The following DIAPH2 variants were observed in gnomAD, a reference collection of about 807,000 sequenced individuals.
DIAPH2 encodes the protein diaphanous related formin 2, also known as protein diaphanous homolog 2.
DIAPH2 carries 35 observed loss-of-function variants against 92.7 expected under a neutral mutation model. The observed-to-expected ratio is 0.38, with a 90% CI of 0.29 to 0.50. The LOEUF (loss-of-function observed/expected upper bound fraction) is 0.50, where lower values mean the gene tolerates loss of function less well. Ranked by LOEUF, DIAPH2 falls within the 20% of genes least tolerant of loss-of-function variation. The pLI, the probability that DIAPH2 is intolerant of heterozygous loss-of-function variation, is 0.94. For missense variants in DIAPH2, 701 were observed against 819.5 expected (o/e 0.86, Z 1.77); for synonymous variants, 301 against 280.4 (o/e 1.07, Z -0.73).
chrX:96,779,342 A>T (rs1341843713), intron 4 of DIAPH2, among the ~76,000 whole-genome samples: 1 of 112,228 alleles, frequency 8.9e-6, no homozygotes, highest in Non-Finnish European at 1.9e-5. Flanking sequence ...CAAACAATTA[A>T]CATCTGTTGG....
Position 96,958,038 on chromosome X carries a change from C to G in DIAPH2, c.1825C>G (p.Leu609Val), listed in dbSNP as rs912731125. 5.8e-6 allele frequency: 7 copies of G among 1,209,723 alleles called. No individual in the cohort carries two copies. In the Admixed American group the frequency reaches 1.3e-4, roughly 23 times the overall value. The change falls in exon 16 of 27, where the codon CTT (leucine) becomes GTT (valine). Residue 609 changes from leucine (L) to valine (V), a missense_variant. Leu to Val is a conservative substitution (Grantham distance 32, BLOSUM62 1). Coordinates refer to ENST00000324765, the MANE Select transcript of DIAPH2 (RefSeq NM_006729.5). ...TGGGGGACCTCCTCCACCACCACCC[C>G]TTGGAGGAGTTCCTCCTCCCCCAGG... Reference protein sequence around the residue: ...LFGGPPPPPPLGGVPPPPGIS... With the variant: ...LFGGPPPPPPVGGVPPPPGIS...
intron 4 of DIAPH2, among the ~76,000 whole-genome samples, chrX:96,864,369 A>G (rs954666332): frequency 1.8e-5 from 2 of 109,644 alleles, no homozygotes; most frequent in Admixed American, 1.9e-4. Flanking sequence ...CAGCATTGTA[A>G]AAGAATATCC....
intron 22 of DIAPH2, among the ~76,000 whole-genome samples, chrX:97,189,908 C>T (rs996348365): frequency 2.7e-5 from 3 of 112,712 alleles, no homozygotes; most frequent in African/African-American, 9.7e-5. Flanking sequence ...ATAAAGGCTG[C>T]CTACTCAAAC....
chrX:96,775,044 C>CT (rs887673954), intron 4 of DIAPH2, among the ~76,000 whole-genome samples: 2 of 110,292 alleles, frequency 1.8e-5, no homozygotes, highest in Non-Finnish European at 3.8e-5. Flanking sequence ...ATCTTAAAAT[C>CT]TTTTTTTTTC....
At chrX:97,207,431 G>A (rs908866169) in intron 22 of DIAPH2, among the ~76,000 whole-genome samples, 5 of 111,884 alleles carry the variant, frequency 4.5e-5, no homozygotes, top group African/African-American at 1.6e-4. Flanking sequence ...TGATGATGAT[G>A]ATGGCAGCTC....
Position 97,180,275 on chromosome X carries a change from CAT to C in DIAPH2, c.2719+38482_2719+38483del, listed in dbSNP as rs1040791257. On this transcript the variant is annotated intron_variant, in intron 22 of 26. Coordinates refer to ENST00000324765, the MANE Select transcript of DIAPH2 (RefSeq NM_006729.5). ...ATCAGTGGTGTTGAGCTTTTTTTCA[CAT>C]GTTTGTTGGCCGCATAAATGTCTTC... 1.8e-4 allele frequency among the ~76,000 whole-genome samples: 20 copies of C among 112,122 alleles called. No individual in the cohort carries two copies. The Middle Eastern group carries it at 0.014, about 78-fold the overall frequency.
intron 22 of DIAPH2, among the ~76,000 whole-genome samples, chrX:97,174,434 G>A (rs1370981378): frequency 9.0e-6 from 1 of 111,643 alleles, no homozygotes; most frequent in Non-Finnish European, 1.9e-5. Context: ...CAAGGAGGAC[G>A]CTACTAGCTG....
At chrX:97,310,772 G>A (rs1057275251) in intron 23 of DIAPH2, among the ~76,000 whole-genome samples, 5 of 111,616 alleles carry the variant, frequency 4.5e-5, no homozygotes, top group Non-Finnish European at 7.5e-5. Context: ...GCTTTGGGAC[G>A]CTGATGCGGG....
At chrX:97,281,112 C>T (rs999341199) in intron 23 of DIAPH2, among the ~76,000 whole-genome samples, 5 of 111,872 alleles carry the variant, frequency 4.5e-5, no homozygotes, top group African/African-American at 9.7e-5. Context: ...AAACTCTTTA[C>T]GCCCCTGTAG....
chrX:97,323,368 G>A (rs2068917759), intron 23 of DIAPH2, among the ~76,000 whole-genome samples: 1 of 102,511 alleles, frequency 9.8e-6, no homozygotes, highest in Non-Finnish European at 2.0e-5. Flanking sequence ...GAGGCGGGCG[G>A]ATCACGAGGT....
intron 24 of DIAPH2, among the ~76,000 whole-genome samples, chrX:97,368,899 CTTTTTTTTTTTTT>C (rs386417287): frequency 3.8e-5 from 2 of 52,058 alleles, no homozygotes; most frequent in Non-Finnish European, 6.4e-5. Context: ...TCTACCCTTT[CTTTTTTTTTTTTT>C]TTTTTTTTTT....
chrX:97,356,638 C>G (rs898091811), intron 24 of DIAPH2, among the ~76,000 whole-genome samples: 46 of 111,562 alleles, frequency 4.1e-4, no homozygotes, highest in African/African-American at 1.4e-3. Flanking sequence ...ATGTTGTATT[C>G]TCTTTGACTG....
At position 96,708,230 on chromosome X, in the gene DIAPH2, AC is replaced by A. The variant is rs1168028449; in HGVS notation, c.132+23046del. On this transcript the variant is annotated intron_variant, in intron 1 of 26. Coordinates refer to ENST00000324765, the MANE Select transcript of DIAPH2 (RefSeq NM_006729.5). Reference sequence around the variant, plus strand: ...ACCCATCCTCCTGTGACTCTTCCCCACCCCCCACCCAGATCATTTTTTTTTT... The same window carrying A: ...ACCCATCCTCCTGTGACTCTTCCCCACCCCCACCCAGATCATTTTTTTTTT... 1.9e-4 allele frequency among the ~76,000 whole-genome samples: 4 copies of A among 21,386 alleles called. No homozygotes were observed. The Admixed American group carries it at 2.8e-3, about 15-fold the overall frequency. The allele number at this position is 21,386 out of a possible 115,157, so 18.6% of individuals were successfully genotyped here.
At chrX:96,757,885 C>G (rs1424816429) in intron 3 of DIAPH2, among the ~76,000 whole-genome samples, 1 of 111,699 alleles carries the variant, frequency 9.0e-6, no homozygotes, top group Non-Finnish European at 1.9e-5. Flanking sequence ...CCAATTTATT[C>G]TGTGGAATAG....
At chrX:97,447,264 A>G (rs2070319844) in intron 26 of DIAPH2, among the ~76,000 whole-genome samples, 1 of 110,609 alleles carries the variant, frequency 9.0e-6, no homozygotes, top group Admixed American at 9.7e-5. Flanking sequence ...AAACATTAAT[A>G]GCTTGTGCCC....
chrX:96,759,345 C>G (rs1487317759), intron 4 of DIAPH2, among the ~76,000 whole-genome samples: 1 of 111,673 alleles, frequency 9.0e-6, no homozygotes, highest in Non-Finnish European at 1.9e-5. Context: ...AATCTGAATG[C>G]TGAGCTATTT....
chrX:97,476,997 A>C (rs2070612883), intron 26 of DIAPH2, among the ~76,000 whole-genome samples: 1 of 90,915 alleles, frequency 1.1e-5, no homozygotes, highest in Admixed American at 1.2e-4. Flanking sequence ...ACACACACAC[A>C]CACACACACA....
intron 4 of DIAPH2, among the ~76,000 whole-genome samples, chrX:96,853,949 A>G (rs1461755796): frequency 1.8e-5 from 2 of 111,988 alleles, no homozygotes; most frequent in Non-Finnish European, 3.8e-5. Flanking sequence ...AAGAAGATCT[A>G]TATACTAGTT....
chrX:96,978,677 A>G (rs895685383), intron 17 of DIAPH2, among the ~76,000 whole-genome samples: 1 of 110,663 alleles, frequency 9.0e-6, no homozygotes, highest in African/African-American at 3.3e-5. Flanking sequence ...ATTAATATTA[A>G]TTATGGCTGC....
Sources: gnomAD v4.1 joint callset for allele counts (sites outside exome capture counted in the v4.1 genomes callset) on GRCh38, gnomAD v4.1.1 for gene constraint, MANE v1.5 for transcripts, NCBI Gene and HGNC (gene_info 2026-07-23, HGNC 2026-07-21) for gene names.